Variants in VCF1 observed in about 807,000 individuals in gnomAD.
VCF1 encodes the protein protein VCF1.
At chr17:73,211,792 G>GA in the VCF1 span, among the ~76,000 whole-genome samples, 1 of 152,132 alleles carries the variant, frequency 6.6e-6, no homozygotes, top group African/African-American at 2.4e-5. Context: ...CCCGGGAGGT[G>GA]AAGGTTGCAG....
the VCF1 span, among the ~76,000 whole-genome samples, chr17:73,218,442 A>G: frequency 2.0e-5 from 3 of 151,960 alleles, no homozygotes; most frequent in Non-Finnish European, 4.4e-5. Flanking sequence ...ATGTGTTTAA[A>G]GTTCCTTCTG....
the VCF1 span, among the ~76,000 whole-genome samples, chr17:73,225,882 AATATATATATATATATATTTTTTTTT>A: frequency 4.0e-5 from 3 of 74,716 alleles, no homozygotes; most frequent in Admixed American, 3.6e-4. Context: ...ATATATATAT[AATATATATATATATATATTTTTTTTT>A]TTTTTTTTTC....
At chr17:73,207,787 G>A in the VCF1 span, 1 of 1,288,020 alleles carries the variant, frequency 7.8e-7, no homozygotes. Context: ...AGCTCAAACA[G>A]CTTGTCTTCT....
chr17:73,232,312 T>C, the VCF1 span: 3 of 1,571,470 alleles, frequency 1.9e-6, no homozygotes, highest in African/African-American at 2.7e-5. Flanking sequence ...CCCATGTCGC[T>C]GCCGCCGTGG....
chr17:73,230,437 G>C, the VCF1 span, among the ~76,000 whole-genome samples: 1 of 150,984 alleles, frequency 6.6e-6, no homozygotes, highest in African/African-American at 2.4e-5. Context: ...TTTCGCTCTT[G>C]TTGCTCAGGC....
chr17:73,232,197 C>G, the VCF1 span: 1 of 1,610,606 alleles, frequency 6.2e-7, no homozygotes, highest in Non-Finnish European at 8.5e-7. Context: ...ACGCCCACCC[C>G]CTCGGGCCTT....
chr17:73,211,157 A>C, the VCF1 span, among the ~76,000 whole-genome samples: 1 of 152,186 alleles, frequency 6.6e-6, no homozygotes, highest in African/African-American at 2.4e-5. Flanking sequence ...TCTACACATA[A>C]GAAAAAAAAG....
chr17:73,232,298 C>A, the VCF1 span: 2 of 1,581,964 alleles, frequency 1.3e-6, no homozygotes, highest in Non-Finnish European at 1.7e-6. Context: ...CTGCTCCGCG[C>A]CCCCCCATGT....
At chr17:73,209,506 G>A in the VCF1 span, 2 of 1,567,406 alleles carry the variant, frequency 1.3e-6, no homozygotes, top group Non-Finnish European at 1.7e-6. Flanking sequence ...TCCCTTCACA[G>A]AAGGCAAGAA....
chr17:73,223,224 G>A, the VCF1 span, among the ~76,000 whole-genome samples: 1 of 152,178 alleles, frequency 6.6e-6, no homozygotes, highest in Non-Finnish European at 1.5e-5. Flanking sequence ...GGCTGAGGCA[G>A]GATAATCGCT....
At chr17:73,208,767 C>A in the VCF1 span, 2 of 409,662 alleles carry the variant, frequency 4.9e-6, no homozygotes, top group Non-Finnish European at 4.6e-6. Flanking sequence ...GTTTGTAGGA[C>A]AAAAAGTCAT....
chr17:73,215,889 G>A, the VCF1 span, among the ~76,000 whole-genome samples: 1 of 152,142 alleles, frequency 6.6e-6, no homozygotes, highest in African/African-American at 2.4e-5. Context: ...GGCCCAGGAG[G>A]ATAAGGAAGA....
At chr17:73,221,946 A>C in the VCF1 span, among the ~76,000 whole-genome samples, 7 of 146,068 alleles carry the variant, frequency 4.8e-5, no homozygotes, top group Admixed American at 5.0e-4. Context: ...AGGCAGGAGA[A>C]TTGCTTGAAC....
the VCF1 span, among the ~76,000 whole-genome samples, chr17:73,231,541 C>G: frequency 4.8e-3 from 736 of 152,326 alleles, 14 homozygotes; most frequent in East Asian, 0.025. Context: ...ATGCCACAGT[C>G]AAGAGAAGAT....
At chr17:73,221,757 C>T in the VCF1 span, among the ~76,000 whole-genome samples, 73,984 of 151,550 alleles carry the variant, frequency 0.49, 18,315 homozygotes, top group East Asian at 0.6. Flanking sequence ...CCAGGTGGGC[C>T]GGGCGCGGTG....
chr17:73,209,661 T>G, the VCF1 span: 4 of 1,552,578 alleles, frequency 2.6e-6, no homozygotes, highest in Non-Finnish European at 3.5e-6. Flanking sequence ...TAGGGCTGGA[T>G]CCGGCCATGG....
chr17:73,227,224 G>A, the VCF1 span: 2 of 1,581,856 alleles, frequency 1.3e-6, no homozygotes, highest in African/African-American at 2.7e-5. Context: ...GTCTGGGGGG[G>A]AAGATGGTTG....
the VCF1 span, among the ~76,000 whole-genome samples, chr17:73,219,667 G>A: frequency 6.7e-6 from 1 of 148,410 alleles, no homozygotes; most frequent in South Asian, 2.1e-4. Context: ...AAAGAAAAAA[G>A]AAAAAAAAAT....
chr17:73,229,718 G>A, the VCF1 span: 1 of 307,940 alleles, frequency 3.2e-6, no homozygotes, highest in South Asian at 1.3e-4. Context: ...ATACAAAAGA[G>A]TTAGCAGGGC....
Sources: gnomAD v4.1 joint callset for allele counts (sites outside exome capture counted in the v4.1 genomes callset) on GRCh38, gnomAD v4.1.1 for gene constraint, MANE v1.5 for transcripts, NCBI Gene and HGNC (gene_info 2026-07-23, HGNC 2026-07-21) for gene names.